APOB: variants seen among roughly 807,000 people sequenced by gnomAD.
APOB encodes apolipoprotein B-100.
APOB carries 153 observed loss-of-function variants against 314.1 expected under a neutral mutation model. The ratio of observed to expected loss-of-function variants is 0.49; its 90% confidence interval spans 0.43 to 0.56. The LOEUF (loss-of-function observed/expected upper bound fraction) is 0.56. APOB is among the 20% of genes least tolerant of loss of function. APOB has a pLI of 0.00. For missense variants in APOB, 5,430 were observed against 5,350.7 expected, an observed-to-expected ratio of 1.01 and a Z score of -0.46; for synonymous variants, 2,087 against 2,036.4, an observed-to-expected ratio of 1.02 and a Z score of -0.67.
At chr2:21,043,472 G>C (rs757915327) in intron 2 of APOB, 41 bp downstream of exon 2, 36 of 1,581,656 alleles carry the variant, frequency 2.3e-5, no homozygotes, top group Admixed American at 1.3e-4. Flanking sequence ...AGAGTGCACG[G>C]GGCTGGGCGC....
intron 14 of APOB, 145 bp from the exon 15 acceptor site, chr2:21,027,109 T>A: frequency 1.3e-6 from 1 of 767,668 alleles, no homozygotes; most frequent in Non-Finnish European, 2.2e-6. Flanking sequence ...TCACAGGAGC[T>A]GCTTTATTAA....
At chr2:21,016,756 G>A (rs1273263704) in intron 20 of APOB, 107 bp from the exon 21 acceptor site, 12 of 753,782 alleles carry the variant, frequency 1.6e-5, no homozygotes, top group Middle Eastern at 5.0e-4. Flanking sequence ...AGGCCAAGGC[G>A]GGCAGATCAT....
At chr2:21,019,329 G>T (rs1244723530) in intron 19 of APOB, among the ~76,000 whole-genome samples, 1 of 152,110 alleles carries the variant, frequency 6.6e-6, no homozygotes, top group African/African-American at 2.4e-5. Flanking sequence ...TGGACAAGCA[G>T]AGCAGGAGTT....
chr2:21,031,875 AAAAC>A (rs1015089004), intron 10 of APOB, among the ~76,000 whole-genome samples: 26 of 152,064 alleles, frequency 1.7e-4, no homozygotes, highest in African/African-American at 2.7e-4. Context: ...AAAAAAAAAC[AAAAC>A]AAACAAACAA....
chr2:21,016,987 A>AAAAAAATAAT (rs1663490964), intron 20 of APOB, among the ~76,000 whole-genome samples: 7 of 114,000 alleles, frequency 6.1e-5, no homozygotes, highest in Admixed American at 9.8e-5. Context: ...CCATCTCAAA[A>AAAAAAATAAT]AATAAATAAA....
At chr2:21,041,856 C>T (rs982525695) in intron 3 of APOB, among the ~76,000 whole-genome samples, 9 of 152,198 alleles carry the variant, frequency 5.9e-5, no homozygotes, top group Non-Finnish European at 1.0e-4. Flanking sequence ...AGATCTGCTC[C>T]ACATGTATGT....
rs1364099249 is a variant in APOB, at chr2:21,011,355, T to A, written c.5513A>T (p.His1838Leu). ...GGCAGCAGAAGAGATGGCATAGATG[T>A]GTTTTATTTCATTATTTTGGTAGGC... ...KGAYQNNEIK[H>L]IYAISSAALS... The change falls in exon 26 of 29, where the codon CAC (histidine) becomes CTC (leucine). Residue 1838 changes from histidine (H) to leucine (L), a missense_variant. His to Leu is a moderately conservative substitution (Grantham distance 99, BLOSUM62 -3). Coordinates refer to ENST00000233242, the MANE Select transcript of APOB (RefSeq NM_000384.3). The A allele has an allele frequency of 6.2e-7, 1 of 1,614,182 alleles. No homozygotes were observed. Among genetic ancestry groups the A allele is most frequent in the South Asian group, 1.1e-5 (1 of 91,074 alleles).
chr2:21,027,565 G>T (rs780196888), intron 14 of APOB, among the ~76,000 whole-genome samples: 1 of 152,056 alleles, frequency 6.6e-6, no homozygotes, highest in Non-Finnish European at 1.5e-5. Context: ...CACCCGCCTC[G>T]GCCTCCCAAA....
At position 21,043,569 on chromosome 2, in the gene APOB, G is replaced by A. The variant is rs763444212; in HGVS notation, c.83-18C>T. 7.5e-6 allele frequency: 12 copies of A among 1,594,956 alleles called. No homozygotes were observed. Among genetic ancestry groups the A allele is most frequent in the Non-Finnish European group, 1.0e-5 (12 of 1,170,486 alleles). On this transcript the variant is annotated intron_variant, in intron 1 of 28. Coordinates refer to ENST00000233242, the MANE Select transcript of APOB (RefSeq NM_000384.3). ...TTCCTCTTCTGTAAGACAGGAGAAA[G>A]AAATCTGTGAGCTTCCCACGTCTTC...
chr2:21,013,011 T>A, intron 25 of APOB, 149 bp downstream of exon 25: 1 of 937,852 alleles, frequency 1.1e-6, no homozygotes, highest in Middle Eastern at 3.4e-4. Flanking sequence ...TAATAAATAT[T>A]TCTATTTGTT....
intron 21 of APOB, 124 bp downstream of exon 21, chr2:21,016,315 C>A (rs2103363726): frequency 1.5e-6 from 1 of 649,248 alleles, no homozygotes; most frequent in Non-Finnish European, 2.8e-6. Flanking sequence ...TGAGGGCTCT[C>A]TCTGCCACTC....
chr2:21,019,263 T>A (rs143701262), intron 19 of APOB, 150 bp from the exon 20 acceptor site: 6 of 1,078,930 alleles, frequency 5.6e-6, no homozygotes, highest in Non-Finnish European at 8.3e-6. Context: ...ATCTTTTTGA[T>A]CCCTCAGTCC....
At position 21,010,357 on chromosome 2, in the gene APOB, G is replaced by C; in HGVS notation, c.6511C>G (p.Leu2171Val). ...DDAKINFNEK[L>V]SQLQTYMIQF... ...ATCATATATGTCTGCAGTTGAGATAGTTTTTCATTAAAGTTGATTTTGGCA... is the reference window on the plus strand; with the variant it reads ...ATCATATATGTCTGCAGTTGAGATACTTTTTCATTAAAGTTGATTTTGGCA... The change falls in exon 26 of 29, where the codon CTA becomes GTA. Residue 2171 changes from leucine to valine, a missense_variant. Transcript: ENST00000233242. The C allele has an allele frequency of 6.3e-7, 1 of 1,577,382 alleles. No individual in the cohort carries two copies. The highest frequency in any genetic ancestry group is 1.4e-5 in the African/African-American group (1 of 73,784).
Position 21,041,068 on chromosome 2 carries a change from G to A in APOB, c.253C>T (p.Pro85Ser), listed in dbSNP as rs1664121265. The A allele has an allele frequency of 3.1e-6, 5 of 1,612,338 alleles. No individual in the cohort carries two copies. Among genetic ancestry groups the A allele is most frequent in the Non-Finnish European group, 3.4e-6 (4 of 1,179,758 alleles). Residue 85 changes from proline (P) to serine (S), a missense_variant, in exon 4 of 29, where the codon CCC becomes TCC. By Grantham distance (74) the Pro-to-Ser change is moderately conservative. Around this residue, in one of 3 missense-constraint regions of APOB, gnomAD observed 2,085 missense variants for 2,079.7 expected, o/e 1.00. Transcript: ENST00000233242. ...TTCAGGATGAAGCTGCAGAGCTGGG[G>A]AACCTCCAGCTCAACCTGAGAATTC... ...RINCKVELEV[P>S]QLCSFILKTS...
At chr2:21,004,195 G>T in intron 28 of APOB, 74 bp downstream of exon 28, 1 of 1,513,636 alleles carries the variant, frequency 6.6e-7, no homozygotes, top group Non-Finnish European at 9.2e-7. Context: ...TGAATATTTG[G>T]TCCTGAATTA....
Position 21,025,028 on chromosome 2 carries a change from C to A in APOB, c.2341G>T (p.Gly781Ter). The A allele has an allele frequency of 1.2e-6, 2 of 1,614,250 alleles. No homozygotes were observed. The highest frequency in any genetic ancestry group is 1.7e-6 in the Non-Finnish European group (2 of 1,180,050). ...AGACTGGCAAAACCAAGCTCCTCTC[C>A]CAAGATGCGGAGGTAGGCTCTGGCT... ...PEARAYLRIL[G>*]EELGFASLHD... The change falls in exon 16 of 29, where the codon GGA becomes TGA. Residue 781 changes from glycine to a stop codon, truncating the protein, a stop_gained. Transcript: ENST00000233242. LOFTEE classifies it high-confidence loss of function.
chr2:21,005,216 AGT>A lies in APOB; in HGVS notation c.11650_11651del (p.Thr3884CysfsTer4), dbSNP rs755370297. The A allele has an allele frequency of 6.2e-7, 1 of 1,614,080 alleles. No homozygotes were observed. Among genetic ancestry groups the A allele is most frequent in the East Asian group, 2.2e-5 (1 of 44,880 alleles). On this transcript the variant is annotated frameshift_variant, in exon 26 of 29. Coordinates refer to ENST00000233242, the MANE Select transcript of APOB (RefSeq NM_000384.3). LOFTEE classifies it high-confidence loss of function. ...CGGGAGAGTCTACCTCAAAGCGTGC[AGT>A]CAGTGCTTGAAAGGAAGGAATGACA... is the stretch of plus-strand genomic sequence containing the variant. ...GIVIPSFQAL[T>X]ARFEVDSPVY...
intron 9 of APOB, among the ~76,000 whole-genome samples, 176 bp downstream of exon 9, chr2:21,033,123 A>G (rs1464507634): frequency 6.6e-6 from 1 of 152,202 alleles, no homozygotes; most frequent in Non-Finnish European, 1.5e-5. Context: ...TGTGTGTTTC[A>G]TGGAACTCAG....
chr2:21,020,873 G>A (rs970599826), intron 18 of APOB, among the ~76,000 whole-genome samples: 2 of 152,148 alleles, frequency 1.3e-5, no homozygotes, highest in African/African-American at 4.8e-5. Context: ...TATGGCTTTG[G>A]TTCTCCTTCT....
Sources: allele counts gnomAD v4.1 joint callset (sites outside exome capture counted in the v4.1 genomes callset), GRCh38; gene constraint gnomAD v4.1.1; regional missense constraint gnomAD v4.1.1; transcripts MANE v1.5; gene names NCBI Gene and HGNC (gene_info 2026-07-23, HGNC 2026-07-21).